Variants in CCDC91 observed in about 807,000 individuals in gnomAD.
CCDC91 encodes coiled-coil domain-containing protein 91.
CCDC91 carries 48 observed loss-of-function variants against 63.2 expected under a neutral mutation model. That is an observed-to-expected ratio of 0.76 (90% CI 0.60 to 0.97). The LOEUF is 0.97. Among genes scored for constraint, CCDC91 ranks in the 50% least tolerant of loss-of-function variants. CCDC91 has a pLI of 0.00. For synonymous variants in CCDC91, 167 were observed against 165.8 expected, an observed-to-expected ratio of 1.01 and a Z score of -0.06; for missense variants, 500 against 494.6, an observed-to-expected ratio of 1.01 and a Z score of -0.10.
intron 12 of CCDC91, among the ~76,000 whole-genome samples, chr12:28,524,701 A>G (rs768351782): frequency 3.9e-5 from 6 of 152,226 alleles, no homozygotes; most frequent in Non-Finnish European, 7.4e-5. Flanking sequence ...AATGTCTGGT[A>G]TAAAGCTGTT....
At chr12:28,452,863 A>T (rs1297971340) in intron 11 of CCDC91, among the ~76,000 whole-genome samples, 1 of 151,798 alleles carries the variant, frequency 6.6e-6, no homozygotes, top group Non-Finnish European at 1.5e-5. Flanking sequence ...TTGAAAACTT[A>T]GTAACTGACC....
At chr12:28,305,833 G>T (rs377350973) in intron 4 of CCDC91, 27 bp downstream of exon 4, 15 of 1,549,648 alleles carry the variant, frequency 9.7e-6, no homozygotes, top group Non-Finnish European at 1.2e-5. Flanking sequence ...TTTTAAAGGA[G>T]GTTTGCATAT....
intron 12 of CCDC91, among the ~76,000 whole-genome samples, chr12:28,524,580 T>C (rs1941079850): frequency 6.6e-6 from 1 of 152,106 alleles, no homozygotes; most frequent in Admixed American, 6.6e-5. Context: ...TTGTATCCTT[T>C]CCTGATTTAG....
intron 8 of CCDC91, among the ~76,000 whole-genome samples, chr12:28,404,934 C>G (rs1946842104): frequency 6.6e-6 from 1 of 151,828 alleles, no homozygotes; most frequent in African/African-American, 2.4e-5. Flanking sequence ...GTTTTTTGCT[C>G]TATTATATTT....
intron 2 of CCDC91, among the ~76,000 whole-genome samples, chr12:28,257,452 A>G (rs1365648666): frequency 1.3e-5 from 2 of 152,132 alleles, no homozygotes; most frequent in East Asian, 3.8e-4. Flanking sequence ...GAACATTTGG[A>G]CTTGCCCATA....
At chr12:28,201,032 CG>C (rs888594213) in intron 1 of CCDC91, among the ~76,000 whole-genome samples, 1 of 124,774 alleles carries the variant, frequency 8.0e-6, no homozygotes, top group Non-Finnish European at 1.7e-5. Flanking sequence ...CCGGATGGGG[CG>C]GCTGGCCGGG....
chr12:28,294,936 A>G (rs1334258339), intron 3 of CCDC91, among the ~76,000 whole-genome samples: 1 of 152,178 alleles, frequency 6.6e-6, no homozygotes, highest in Non-Finnish European at 1.5e-5. Flanking sequence ...CTTTATAGCA[A>G]TGTGAGAATG....
intron 12 of CCDC91, among the ~76,000 whole-genome samples, chr12:28,541,325 A>AGCT (rs200753497): frequency 7.9e-4 from 50 of 63,192 alleles, no homozygotes; most frequent in Middle Eastern, 8.3e-3. Context: ...GTGTGCAAAG[A>AGCT]AAAGAATAAG....
At chr12:28,201,118 C>T (rs568927296) in intron 1 of CCDC91, among the ~76,000 whole-genome samples, 2 of 148,750 alleles carry the variant, frequency 1.3e-5, no homozygotes, top group African/African-American at 2.5e-5. Context: ...GGCGGCTGGC[C>T]GGGCGGGGGG....
At chr12:28,216,129 A>G (rs1943548534) in intron 1 of CCDC91, among the ~76,000 whole-genome samples, 1 of 152,076 alleles carries the variant, frequency 6.6e-6, no homozygotes, top group Non-Finnish European at 1.5e-5. Flanking sequence ...GGAGAAAAGA[A>G]TGATCCTTTG....
At chr12:28,545,432 T>C (rs1942921194) in intron 12 of CCDC91, among the ~76,000 whole-genome samples, 1 of 152,068 alleles carries the variant, frequency 6.6e-6, no homozygotes, top group African/African-American at 2.4e-5. Flanking sequence ...AAGAGAAAGG[T>C]TGTATGTGTT....
chr12:28,388,751 T>TG (rs1250437390), intron 7 of CCDC91, among the ~76,000 whole-genome samples: 2 of 151,624 alleles, frequency 1.3e-5, no homozygotes, highest in African/African-American at 4.8e-5. Context: ...CAAAAACAAG[T>TG]GGGGAAAGGA....
rs1170111802 is a variant in CCDC91 at position 28,492,597 on chromosome 12, A to G, written c.1215+8432A>G. 3.3e-5 allele frequency among the ~76,000 whole-genome samples: 5 copies of G among 151,506 alleles called. No homozygotes were observed. In the East Asian group the frequency reaches 5.9e-4, roughly 18 times the overall value. On this transcript the variant is annotated intron_variant, in intron 12 of 12. Transcript: ENST00000536442. The stretch of plus-strand genomic sequence containing the variant: ...CACTTTACTATCTAGGATGAAGCCA[A>G]TATCTGAAGAAAATTATTAAAGCCC...
intron 3 of CCDC91, among the ~76,000 whole-genome samples, chr12:28,276,360 A>T (rs1413372951): frequency 6.6e-6 from 1 of 152,012 alleles, no homozygotes; most frequent in African/African-American, 2.4e-5. Context: ...TAAACCAAAG[A>T]GATATATTTG....
intron 1 of CCDC91, among the ~76,000 whole-genome samples, chr12:28,235,594 TAA>T (rs11424459): frequency 7.0e-6 from 1 of 143,848 alleles, no homozygotes. Flanking sequence ...CGCATAGCAT[TAA>T]AAAAAAAAAA....
intron 12 of CCDC91, among the ~76,000 whole-genome samples, chr12:28,545,431 G>A (rs575178840): frequency 1.3e-5 from 2 of 152,152 alleles, no homozygotes; most frequent in African/African-American, 4.8e-5. Flanking sequence ...TAAGAGAAAG[G>A]TTGTATGTGT....
intron 1 of CCDC91, among the ~76,000 whole-genome samples, chr12:28,218,417 TA>T: frequency 6.6e-6 from 1 of 151,198 alleles, no homozygotes; most frequent in Non-Finnish European, 1.5e-5. Flanking sequence ...TTTAGGTGTA[TA>T]AACAATTAAA....
At chr12:28,323,579 A>C (rs1052972530) in intron 6 of CCDC91, among the ~76,000 whole-genome samples, 2 of 151,860 alleles carry the variant, frequency 1.3e-5, no homozygotes, top group African/African-American at 4.8e-5. Flanking sequence ...TTTCTTAACT[A>C]TTCTTGCCTG....
chr12:28,249,557 GCTT>G (rs747947054), intron 1 of CCDC91, among the ~76,000 whole-genome samples: 2 of 152,128 alleles, frequency 1.3e-5, no homozygotes, highest in Admixed American at 1.3e-4. Flanking sequence ...TCCCTGATGA[GCTT>G]CTTTATGGGA....
Sources: allele counts gnomAD v4.1 joint callset (sites outside exome capture counted in the v4.1 genomes callset), GRCh38; gene constraint gnomAD v4.1.1; transcripts MANE v1.5; gene names NCBI Gene and HGNC (gene_info 2026-07-23, HGNC 2026-07-21).